Variants in APEH observed in about 807,000 individuals in gnomAD.
APEH encodes acylamino-acid-releasing enzyme.
Under a neutral mutation model 102.7 loss-of-function variants are expected in APEH, and 75 were observed. That is an observed-to-expected ratio of 0.73 (90% CI 0.61 to 0.89). The LOEUF (loss-of-function observed/expected upper bound fraction) is 0.89, where lower values mean the gene tolerates loss of function less well. Among genes scored for constraint, APEH ranks in the 40% least tolerant of loss-of-function variants. APEH has a pLI of 0.00. For synonymous variants in APEH, 344 were observed against 362.7 expected, an observed-to-expected ratio of 0.95 and a Z score of 0.59; for missense variants, 863 against 941.2, an observed-to-expected ratio of 0.92 and a Z score of 1.09.
intron 14 of APEH, 109 bp downstream of exon 14, chr3:49,680,738 C>T (rs141453477): frequency 1.8e-5 from 18 of 987,454 alleles, no homozygotes; most frequent in South Asian, 9.9e-5. Flanking sequence ...AGCATACAGA[C>T]GGGCCAAGAC....
chr3:49,683,016 C>T (rs757547810), intron 20 of APEH, 24 bp from the exon 21 acceptor site: 1 of 1,612,248 alleles, frequency 6.2e-7, no homozygotes, highest in Admixed American at 1.7e-5. Context: ...CAACACAGCT[C>T]CCCACTCTTC....
chr3:49,677,444 T>G, intron 10 of APEH, 129 bp from the exon 11 acceptor site: 1 of 845,220 alleles, frequency 1.2e-6, no homozygotes, highest in South Asian at 1.4e-5. Context: ...AGAAAAGAGA[T>G]ACATCAGGCT....
intron 17 of APEH, 128 bp downstream of exon 17, chr3:49,682,095 A>G (rs1039932589): frequency 2.8e-6 from 3 of 1,064,288 alleles, no homozygotes; most frequent in Non-Finnish European, 4.2e-6. Flanking sequence ...CCTAGTAACC[A>G]CTACCAGGAA....
At chr3:49,675,595 G>A (rs2052994913) in intron 3 of APEH, 99 bp from the exon 4 acceptor site, 5 of 1,257,248 alleles carry the variant, frequency 4.0e-6, no homozygotes, top group Admixed American at 3.7e-5. Flanking sequence ...CTGGTGTGGG[G>A]CCAGAGCCTC....
intron 10 of APEH, 104 bp downstream of exon 10, chr3:49,677,128 G>T (rs1239787352): frequency 6.6e-7 from 1 of 1,515,966 alleles, no homozygotes; most frequent in Non-Finnish European, 9.0e-7. Flanking sequence ...CTCAGTAGGT[G>T]CCCTTCTGTC....
chr3:49,678,818 C>T (rs144078340), intron 11 of APEH, 34 bp from the exon 12 acceptor site: 31 of 1,557,506 alleles, frequency 2.0e-5, no homozygotes, highest in Middle Eastern at 1.7e-4. Flanking sequence ...TACCTCCACT[C>T]CTGGATGCAG....
rs2053006829 is a variant in APEH at position 49,675,711 on chromosome 3, C to T, written c.290C>T (p.Ser97Phe). Residue 97 changes from serine to phenylalanine, a missense_variant, in exon 4 of 22, where the codon TCT (serine) becomes TTT (phenylalanine). By Grantham distance (155) the Ser-to-Phe change is radical. Transcript: ENST00000296456. ...GTCCACAGACTGCTGAGCAGAGAGT[C>T]TCCTTCAGGCACCATGAAAGCTGTG... ...ETRGELLSRESPSGTMKAVLR... is the reference protein window; with the variant it reads ...ETRGELLSREFPSGTMKAVLR... 1 of 1,613,992 alleles carries T rather than the reference C, an allele frequency of 6.2e-7. No individual in the cohort carries two copies. The highest frequency in any genetic ancestry group is 8.5e-7 in the Non-Finnish European group (1 of 1,179,980).
At position 49,682,718 on chromosome 3, in the gene APEH, C is replaced by T. The variant is rs752483385; in HGVS notation, c.1865C>T (p.Ser622Phe). The change falls in exon 19 of 22, where the codon TCC becomes TTC. Residue 622 changes from serine (S) to phenylalanine (F), a missense_variant. Physicochemically the swap from Ser to Phe is radical, Grantham distance 155 (BLOSUM62 -2). Transcript: ENST00000296456. The stretch of plus-strand genomic sequence containing the variant: ...ATCAACATCGCCTCCATGTTGGGCT[C>T]CACTGACATCCCTGACTGGTAGGCA... ...PVINIASMLG[S>F]TDIPDWCVVE... 4.3e-6 allele frequency: 7 copies of T among 1,613,930 alleles called. No individual in the cohort carries two copies. In the South Asian group the frequency reaches 5.5e-5, roughly 13 times the overall value.
chr3:49,674,242 C>G (rs2108112789), upstream of APEH: 2 of 944,614 alleles, frequency 2.1e-6, no homozygotes, highest in South Asian at 3.5e-5. Context: ...AGGCCCGCCC[C>G]CTGCCAACGG....
intron 15 of APEH, 68 bp from the exon 16 acceptor site, chr3:49,681,654 C>A: frequency 7.3e-7 from 1 of 1,363,036 alleles, no homozygotes; most frequent in Non-Finnish European, 9.9e-7. Context: ...ACACCTGCAG[C>A]TAGAGATGGG....
At chr3:49,673,517 C>T (rs1173719885), upstream of APEH, among the ~76,000 whole-genome samples, 1 of 152,112 alleles carries the variant, frequency 6.6e-6, no homozygotes, top group Non-Finnish European at 1.5e-5. Context: ...GTAAAGGCTG[C>T]GGGGATAGAT....
At chr3:49,682,056 C>G in intron 17 of APEH, 89 bp downstream of exon 17, 2 of 1,409,510 alleles carry the variant, frequency 1.4e-6, no homozygotes, top group Non-Finnish European at 2.0e-6. Context: ...GGGTGCCACT[C>G]TAGTCTCCAG....
chr3:49,676,818 G>T lies in APEH; in HGVS notation c.877+1G>T, dbSNP rs948940747. On this transcript the variant is annotated splice_donor_variant, in intron 9 of 21. Coordinates refer to ENST00000296456, the MANE Select transcript of APEH (RefSeq NM_001640.4). LOFTEE classifies it high-confidence loss of function. ...GTGGACCTCATCGGGGGGAAGTGTG[G>T]TAAGTGGCTGATGCCCACCTGTGCT... 2.5e-6 allele frequency: 4 copies of T among 1,614,274 alleles called. No homozygotes were observed. Among genetic ancestry groups the T allele is most frequent in the African/African-American group, 2.7e-5 (2 of 75,074 alleles).
upstream of APEH, chr3:49,674,277 C>T: frequency 7.8e-7 from 1 of 1,277,994 alleles, no homozygotes; most frequent in Non-Finnish European, 1.1e-6. Context: ...CCGAAGGCCC[C>T]GCCCCTCACA....
chr3:49,683,792 C>A lies in APEH; in HGVS notation c.*450C>A. The A allele has an allele frequency of 1.7e-6, 1 of 592,138 alleles. No individual in the cohort carries two copies. Among genetic ancestry groups the A allele is most frequent in the Admixed American group, 3.3e-5 (1 of 30,210 alleles). The allele number at this position is 592,138 out of a possible 1,614,324, so 36.7% of individuals were successfully genotyped here. On this transcript the variant is annotated 3_prime_UTR_variant, in exon 22 of 22. Coordinates refer to ENST00000296456, the MANE Select transcript of APEH (RefSeq NM_001640.4). The stretch of plus-strand genomic sequence containing the variant: ...TGAGGCCCTGTCTTTCCACGGCACC[C>A]ATGGGCAAAAGTAGTCCCAGGGACA...
At chr3:49,680,960 C>A in intron 14 of APEH, 141 bp from the exon 15 acceptor site, 2 of 1,123,766 alleles carry the variant, frequency 1.8e-6, no homozygotes, top group Non-Finnish European at 2.5e-6. Flanking sequence ...TATACCATCC[C>A]ACAACAGGAA....
At position 49,676,185 on chromosome 3, in the gene APEH, T is replaced by G; in HGVS notation, c.572T>G (p.Ile191Arg). The stretch of plus-strand genomic sequence containing the variant: ...GACGTCAGTGCCAGCGATGATGAGA[T>G]AGCCAGGCTGAAGAAGCCAGACCAA... ...ALDVSASDDE[I>R]ARLKKPDQAI... Residue 191 changes from isoleucine to arginine, a missense_variant, in exon 6 of 22, where the codon ATA becomes AGA. Ile to Arg is a moderately conservative substitution (Grantham distance 97). Transcript: ENST00000296456. 1 of 1,614,124 alleles carries G rather than the reference T, an allele frequency of 6.2e-7. No homozygotes were observed. The highest frequency in any genetic ancestry group is 8.5e-7 in the Non-Finnish European group (1 of 1,180,032).
intron 4 of APEH, 39 bp downstream of exon 4, chr3:49,675,826 G>C (rs2108116560): frequency 6.2e-7 from 1 of 1,612,742 alleles, no homozygotes; most frequent in East Asian, 2.2e-5. Flanking sequence ...TGACAAGAGA[G>C]AGGCTCTGCC....
Position 49,674,621 on chromosome 3 carries a change from GGT to G in APEH, c.145+8_145+9del. The G allele has an allele frequency of 6.3e-7, 1 of 1,586,448 alleles. No homozygotes were observed. Among genetic ancestry groups the G allele is most frequent in the South Asian group, 1.1e-5 (1 of 88,798 alleles). ...CGGCCAATACCGGACGGTGCACACTGGTGTGTGTGCGAAGGGGAACTGGCTGG... is the reference window on the plus strand; with the variant it reads ...CGGCCAATACCGGACGGTGCACACTGGTGTGTGCGAAGGGGAACTGGCTGG... On this transcript the variant is annotated splice_donor_variant, in intron 2 of 21. Transcript: ENST00000296456. LOFTEE classifies it high-confidence loss of function.
Sources: allele counts gnomAD v4.1 joint callset (sites outside exome capture counted in the v4.1 genomes callset), GRCh38; gene constraint gnomAD v4.1.1; transcripts MANE v1.5; gene names NCBI Gene and HGNC (gene_info 2026-07-23, HGNC 2026-07-21).